The following ABCA9 variants were observed in gnomAD, a reference collection of about 807,000 sequenced individuals.
ABCA9 encodes ATP binding cassette subfamily A member 9.
Under a neutral mutation model 205.3 loss-of-function variants are expected in ABCA9, and 183 were observed. The ratio of observed to expected loss-of-function variants is 0.89; its 90% CI spans 0.79 to 1.01. ABCA9 has a LOEUF of 1.01. Ranked by LOEUF, ABCA9 falls within the 50% of genes least tolerant of loss-of-function variation. ABCA9 has a pLI of 0.00. For missense variants in ABCA9, 1,805 were observed against 1,912.4 expected, an observed-to-expected ratio of 0.94 and a Z score of 1.05; for synonymous variants, 651 against 683.3, an observed-to-expected ratio of 0.95 and a Z score of 0.74.
rs550611733 is a variant in ABCA9 at position 69,002,617 on chromosome 17, T to G, written c.3435+5142A>C. 3.2e-3 allele frequency among the ~76,000 whole-genome samples: 480 copies of G among 152,276 alleles called. 5 individuals carry two copies. Among genetic ancestry groups the G allele is most frequent in the East Asian group, 8.3e-3 (43 of 5,188 alleles). ...TGTTGATTTGGGGTGGAGAGTTCTG[T>G]AGATGTCTATTAGGTCCGCTTGGTG... On this transcript the variant is annotated intron_variant, in intron 25 of 38. Transcript: ENST00000340001.
intron 3 of ABCA9, among the ~76,000 whole-genome samples, chr17:69,047,371 AT>A (rs2071752468): frequency 6.6e-6 from 1 of 151,202 alleles, no homozygotes; most frequent in African/African-American, 2.4e-5. Context: ...AGACTGGGTG[AT>A]TTATAAAGGA....
chr17:69,076,901 T>C, the ABCA9 span, among the ~76,000 whole-genome samples: 1 of 151,606 alleles, frequency 6.6e-6, no homozygotes, highest in Admixed American at 6.6e-5. Context: ...TTTTCTCTCT[T>C]TTTTTTCTTT....
Position 69,046,216 on chromosome 17 carries a change from A to G in ABCA9, c.305-880T>C, listed in dbSNP as rs568407090. On this transcript the variant is annotated intron_variant, in intron 3 of 38. Coordinates refer to ENST00000340001, the MANE Select transcript of ABCA9 (RefSeq NM_080283.4). ...TGTTGCATTTAGATAGTGTTTCCTT[A>G]AGAGACTTTGTTTATTCTAAAATAT... Among the ~76,000 whole-genome samples the G allele has an allele frequency of 2.0e-5, 3 of 152,288 alleles. No individual in the cohort carries two copies. The East Asian group carries it at 5.8e-4, about 29-fold the overall frequency.
Position 68,983,750 on chromosome 17 carries a change from T to C in ABCA9, c.4599A>G (p.Ala1533=), listed in dbSNP as rs971408567. The C allele has an allele frequency of 6.2e-7, 1 of 1,614,242 alleles. No homozygotes were observed. The highest frequency in any genetic ancestry group is 8.5e-7 in the Non-Finnish European group (1 of 1,180,044). Residue 1533 remains alanine, a synonymous_variant, in exon 36 of 39, where the codon GCA becomes GCG. Coordinates refer to ENST00000340001, the MANE Select transcript of ABCA9 (RefSeq NM_080283.4). ...CCTGGGGGAAAAGCCTCAGGATCTC[T>C]GCATGGAGGGGCTCCATTTGTGCCA... ...KNLAQMEPLH[A]EILRLFPQAA...
chr17:69,053,483 G>A (rs1286232503), intron 1 of ABCA9, among the ~76,000 whole-genome samples: 5 of 152,102 alleles, frequency 3.3e-5, no homozygotes, highest in Non-Finnish European at 7.4e-5. Flanking sequence ...GGAACGATGG[G>A]CAAGGTAAGA....
chr17:69,070,849 T>C, the ABCA9 span, among the ~76,000 whole-genome samples: 5 of 152,144 alleles, frequency 3.3e-5, no homozygotes, highest in Non-Finnish European at 5.9e-5. Flanking sequence ...AGACTGAAAT[T>C]CTCACTGCCA....
At chr17:69,075,005 T>C in the ABCA9 span, among the ~76,000 whole-genome samples, 3 of 152,168 alleles carry the variant, frequency 2.0e-5, no homozygotes, top group Non-Finnish European at 4.4e-5. Context: ...ATTAGCAATG[T>C]TGAGCATTTT....
chr17:68,988,283 A>G, intron 31 of ABCA9, among the ~76,000 whole-genome samples: 1 of 152,160 alleles, frequency 6.6e-6, no homozygotes, highest in Non-Finnish European at 1.5e-5. Context: ...GCCTAGACAT[A>G]CCACTAAATG....
intron 1 of ABCA9, among the ~76,000 whole-genome samples, chr17:69,054,209 G>C (rs1247130396): frequency 6.6e-6 from 1 of 152,110 alleles, no homozygotes; most frequent in East Asian, 1.9e-4. Context: ...TTCAAAAGAA[G>C]TAAAATGATA....
At chr17:69,034,217 TTTTG>T (rs2071257476) in intron 8 of ABCA9, among the ~76,000 whole-genome samples, 1 of 152,132 alleles carries the variant, frequency 6.6e-6, no homozygotes, top group African/African-American at 2.4e-5. Flanking sequence ...TTTTTAAATT[TTTTG>T]TTTATTTGTT....
chr17:68,999,550 A>T (rs1286214750), intron 25 of ABCA9, among the ~76,000 whole-genome samples: 1 of 140,938 alleles, frequency 7.1e-6, no homozygotes, highest in Non-Finnish European at 1.5e-5. Context: ...GGTTGGTTCC[A>T]AGTCTTTGCT....
chr17:69,020,637 T>C (rs2070781404), intron 18 of ABCA9, 51 bp from the exon 19 acceptor site: 1 of 1,547,008 alleles, frequency 6.5e-7, no homozygotes. Flanking sequence ...TTATGCATTA[T>C]TTAGCTTTTC....
chr17:69,049,173 T>A (rs2071817470), intron 3 of ABCA9, 110 bp downstream of exon 3: 13 of 1,209,668 alleles, frequency 1.1e-5, no homozygotes, highest in Non-Finnish European at 1.5e-5. Context: ...TTAATGTTGT[T>A]AATAAACTCT....
chr17:69,039,181 G>A (rs557310294), intron 6 of ABCA9, among the ~76,000 whole-genome samples: 70 of 152,160 alleles, frequency 4.6e-4, no homozygotes, highest in Middle Eastern at 3.4e-3. Flanking sequence ...TCAAGCTACC[G>A]TTGACTTTCT....
intron 11 of ABCA9, 51 bp from the exon 12 acceptor site, chr17:69,028,696 C>G: frequency 8.7e-7 from 1 of 1,150,176 alleles, no homozygotes; most frequent in African/African-American, 1.6e-5. Flanking sequence ...ATTAACTTTA[C>G]AGTCTCTGAA....
At chr17:68,995,181 T>G (rs973088627) in intron 26 of ABCA9, among the ~76,000 whole-genome samples, 5 of 152,126 alleles carry the variant, frequency 3.3e-5, no homozygotes. Context: ...CACTCCCTCC[T>G]TCTTGAAATG....
chr17:69,023,590 G>A lies in ABCA9; in HGVS notation c.2281+624C>T, dbSNP rs1434817783. Among the ~76,000 whole-genome samples, 1 of 152,122 alleles carries A rather than the reference G, an allele frequency of 6.6e-6. No individual in the cohort carries two copies. The highest frequency in any genetic ancestry group is 2.4e-5 in the African/African-American group (1 of 41,428). On this transcript the variant is annotated intron_variant, in intron 17 of 38. Coordinates refer to ENST00000340001, the MANE Select transcript of ABCA9 (RefSeq NM_080283.4). The surrounding 1 kb of genome is among the most constrained non-coding windows in gnomAD (Gnocchi z 4.2). ...GGTATAATTTCTTGAACTTGATATG[G>A]CAAACACATTTTTACAGAGTAAACT... is the stretch of plus-strand genomic sequence containing the variant.
Position 68,976,154 on chromosome 17 carries a change from G to A in ABCA9, c.4757C>T (p.Ser1586Leu). 1 of 1,614,036 alleles carries A rather than the reference G, an allele frequency of 6.2e-7. No individual in the cohort carries two copies. Among genetic ancestry groups the A allele is most frequent in the Non-Finnish European group, 8.5e-7 (1 of 1,179,902 alleles). The change falls in exon 38 of 39, where the codon TCA becomes TTA. Residue 1586 changes from serine to leucine, a missense_variant. By Grantham distance (145) the Ser-to-Leu change is moderately radical. Coordinates refer to ENST00000340001, the MANE Select transcript of ABCA9 (RefSeq NM_080283.4). ...QSFDLEEYSLSQSTLEQVFLE... is the reference protein window; with the variant it reads ...QSFDLEEYSLLQSTLEQVFLE... Reference sequence around the variant, plus strand: ...ACCCACCTGCTCCAGGGTAGACTGTGAGAGGCTGTACTCCTCCAGGTCGAA... The same window carrying A: ...ACCCACCTGCTCCAGGGTAGACTGTAAGAGGCTGTACTCCTCCAGGTCGAA...
intron 1 of ABCA9, among the ~76,000 whole-genome samples, chr17:69,058,451 G>A (rs1034126876): frequency 6.6e-6 from 1 of 152,196 alleles, no homozygotes; most frequent in Non-Finnish European, 1.5e-5. Context: ...TAGTACCAGA[G>A]ATGGAGCCTA....
Sources: allele counts gnomAD v4.1 joint callset (sites outside exome capture counted in the v4.1 genomes callset), GRCh38; gene constraint gnomAD v4.1.1; non-coding constraint Gnocchi (gnomAD v3.1); transcripts MANE v1.5; gene names NCBI Gene and HGNC (gene_info 2026-07-23, HGNC 2026-07-21).